The following ATG4B variants were observed in gnomAD, a reference collection of about 807,000 sequenced individuals.
The protein encoded by ATG4B is cysteine protease ATG4B.
Under a neutral mutation model 56.6 loss-of-function variants are expected in ATG4B, and 29 were observed. The ratio of observed to expected loss-of-function variants is 0.51; its 90% CI spans 0.38 to 0.70. The LOEUF is 0.70. ATG4B is among the 30% of genes least tolerant of loss of function. The pLI is 0.00. For missense variants in ATG4B, 461 were observed against 515.5 expected (o/e 0.89, Z 1.02); for synonymous variants, 224 against 206.1 (o/e 1.09, Z -0.74).
In ATG4B at chr2:241,668,737, G is replaced by A; in HGVS notation, c.957+52G>A. The A allele has an allele frequency of 1.3e-6, 2 of 1,521,030 alleles. No individual in the cohort carries two copies. Among genetic ancestry groups the A allele is most frequent in the Non-Finnish European group, 1.8e-6 (2 of 1,141,620 alleles). 94.2% of individuals were successfully genotyped at this position (1,521,030 alleles called of 1,614,324 possible). ...GGCATTTGGTGCTGAATGCTGTTTGGGAATGACGAGGAAAACTTTCGGATT... is the reference window on the plus strand; with the variant it reads ...GGCATTTGGTGCTGAATGCTGTTTGAGAATGACGAGGAAAACTTTCGGATT... On this transcript the variant is annotated intron_variant, in intron 10 of 12. Coordinates refer to ENST00000404914, the MANE Select transcript of ATG4B (RefSeq NM_013325.5). The surrounding 1 kb of genome is among the most constrained non-coding windows in gnomAD (Gnocchi z 4.2).
intron 1 of ATG4B, among the ~76,000 whole-genome samples, chr2:241,642,709 G>C (rs565465982): frequency 6.6e-6 from 1 of 150,998 alleles, no homozygotes; most frequent in South Asian, 2.1e-4. Context: ...TTTTCTGATG[G>C]AATTACTATA....
intron 10 of ATG4B, among the ~76,000 whole-genome samples, chr2:241,669,627 C>T (rs1340661482): frequency 1.3e-5 from 2 of 152,206 alleles, no homozygotes; most frequent in Non-Finnish European, 2.9e-5. Flanking sequence ...CCTGCCTCAG[C>T]CTCTGGATTA....
intron 6 of ATG4B, 147 bp downstream of exon 6, chr2:241,655,490 G>A (rs900646602): frequency 6.6e-6 from 5 of 761,782 alleles, no homozygotes; most frequent in Non-Finnish European, 1.1e-5. Context: ...AGCGATGACT[G>A]TGTTGAGGTC....
In ATG4B at chr2:241,673,044, G is replaced by C. The variant is rs907470392; in HGVS notation, c.*780G>C. On this transcript the variant is annotated 3_prime_UTR_variant, in exon 13 of 13. Transcript: ENST00000404914. ...CAGCTTCCCCAGGTGTGGTGACGGGGGGGGGGCGGGGCCTCCACCTGTGAC... is the reference window on the plus strand; with the variant it reads ...CAGCTTCCCCAGGTGTGGTGACGGGCGGGGGGCGGGGCCTCCACCTGTGAC... 1.5e-4 allele frequency: 25 copies of C among 164,856 alleles called. No individual in the cohort carries two copies. The highest frequency in any genetic ancestry group is 5.7e-4 in the African/African-American group (24 of 42,130). The allele number at this position is 164,856 out of a possible 1,614,324, so 10.2% of individuals were successfully genotyped here. A position where few individuals can be genotyped will look rare whatever the true frequency, so the allele number is the denominator to read the frequency against.
intron 7 of ATG4B, among the ~76,000 whole-genome samples, chr2:241,660,106 C>T (rs2068544828): frequency 6.6e-6 from 1 of 152,198 alleles, no homozygotes; most frequent in East Asian, 1.9e-4. Context: ...AGAAGAATCG[C>T]TTGAACCTGG....
chr2:241,659,172 G>T lies in ATG4B; in HGVS notation c.523G>T (p.Val175Leu). The T allele has an allele frequency of 6.2e-7, 1 of 1,613,806 alleles. No homozygotes were observed. Among genetic ancestry groups the T allele is most frequent in the Non-Finnish European group, 8.5e-7 (1 of 1,179,700 alleles). ...AVHIAMDNTV[V>L]MEEIRRLCRT... is the part of the protein sequence containing the mutation. ...CCACATTGCAATGGACAACACTGTTGTGATGGAGGAAATCAGTAAGTGGCT... is the reference window on the plus strand; with the variant it reads ...CCACATTGCAATGGACAACACTGTTTTGATGGAGGAAATCAGTAAGTGGCT... Residue 175 changes from valine to leucine, a missense_variant, in exon 7 of 13, where the codon GTG becomes TTG. Coordinates refer to ENST00000404914, the MANE Select transcript of ATG4B (RefSeq NM_013325.5).
In ATG4B at chr2:241,671,389, C is replaced by A; in HGVS notation, c.1092C>A (p.Val364=). ...LQPSHLACPD[V]LNLSLDSSDV... is the part of the protein sequence containing the mutation. ...CTTCACATCTGGCCTGCCCCGACGT[C>A]CTGAACCTGTCCCTAGGTGAGAGCT... The change falls in exon 12 of 13, where the codon GTC becomes GTA. Residue 364 remains valine (V), a synonymous_variant. Coordinates refer to ENST00000404914, the MANE Select transcript of ATG4B (RefSeq NM_013325.5). 2.5e-6 allele frequency: 4 copies of A among 1,613,694 alleles called. No individual in the cohort carries two copies. The highest frequency in any genetic ancestry group is 3.4e-6 in the Non-Finnish European group (4 of 1,179,842).
At position 241,668,567 on chromosome 2, in the gene ATG4B, A is replaced by C; in HGVS notation, c.839A>C (p.His280Pro). Reference sequence around the variant, plus strand: ...GAGGAGCTCATCTACCTGGACCCCCACACCACGCAGCCAGCCGTGGAGCCC... The same window carrying C: ...GAGGAGCTCATCTACCTGGACCCCCCCACCACGCAGCCAGCCGTGGAGCCC... ...VGEELIYLDP[H>P]TTQPAVEPTD... Residue 280 changes from histidine to proline, a missense_variant, in exon 10 of 13, where the codon CAC becomes CCC. By Grantham distance (77) the His-to-Pro change is moderately conservative. Transcript: ENST00000404914. The surrounding 1 kb of genome is among the most constrained non-coding windows in gnomAD (Gnocchi z 4.2). 6.2e-7 allele frequency: 1 copy of C among 1,609,270 alleles called. No homozygotes were observed. The highest frequency in any genetic ancestry group is 8.5e-7 in the Non-Finnish European group (1 of 1,179,060).
chr2:241,673,259 ACCT>A lies in ATG4B; in HGVS notation c.*997_*999del, dbSNP rs1157232906. ...GGCATCACCTGGTGGCATTTCCAGA[ACCT>A]CAGCCCCGATTCCAGCACCCACCAC... On this transcript the variant is annotated 3_prime_UTR_variant, in exon 13 of 13. Transcript: ENST00000404914. 3.1e-6 allele frequency: 1 copy of A among 319,626 alleles called. No homozygotes were observed. Among genetic ancestry groups the A allele is most frequent in the Non-Finnish European group, 6.3e-6 (1 of 159,622 alleles). 19.8% of individuals were successfully genotyped at this position (319,626 alleles called of 1,614,324 possible). A position where few individuals can be genotyped will look rare whatever the true frequency, so the allele number is the denominator to read the frequency against.
chr2:241,654,806 T>A, intron 5 of ATG4B, 159 bp downstream of exon 5: 1 of 640,908 alleles, frequency 1.6e-6, no homozygotes, highest in African/African-American at 1.8e-5. Flanking sequence ...TGCTGTCACA[T>A]CACCCCCGTG....
rs937529105 is a variant in ATG4B at position 241,651,273 on chromosome 2, A to C, written c.122A>C (p.Glu41Ala). The change falls in exon 3 of 13, where the codon GAG (glutamate) becomes GCG (alanine). Residue 41 changes from glutamate (E) to alanine (A), a missense_variant. Glu to Ala is a moderately radical substitution (Grantham distance 107). Coordinates refer to ENST00000404914, the MANE Select transcript of ATG4B (RefSeq NM_013325.5). This position sits in a 1 kb window ranked among gnomAD's most constrained non-coding sequence, Gnocchi z 4.1. ...TTTAAACAACCTCTAGAAAAGGACG[A>C]GATCTTGTCTGATGTGGCATCTAGA... The part of the protein sequence containing the change: ...RKYSIFTEKD[E>A]ILSDVASRLW... The C allele has an allele frequency of 6.2e-6, 10 of 1,600,254 alleles. No homozygotes were observed. The highest frequency in any genetic ancestry group is 8.5e-6 in the Non-Finnish European group (10 of 1,173,018).
intron 1 of ATG4B, among the ~76,000 whole-genome samples, chr2:241,648,106 T>TC (rs1023813073): frequency 8.5e-5 from 13 of 152,204 alleles, no homozygotes; most frequent in African/African-American, 2.9e-4. Context: ...AGAGTGAGAC[T>TC]CCATCACAAA....
intron 10 of ATG4B, among the ~76,000 whole-genome samples, chr2:241,669,392 G>A (rs2068885850): frequency 6.6e-6 from 1 of 152,250 alleles, no homozygotes; most frequent in African/African-American, 2.4e-5. Context: ...GGCCTGAAAT[G>A]GGACGGTCTC....
intron 4 of ATG4B, among the ~76,000 whole-genome samples, chr2:241,654,282 T>G (rs375765672): frequency 2.0e-5 from 3 of 151,704 alleles, no homozygotes; most frequent in Non-Finnish European, 2.9e-5. Context: ...TTAGCTAGGC[T>G]TGGTGACATG....
chr2:241,653,635 G>T (rs146899920), intron 4 of ATG4B, 25 bp downstream of exon 4: 10 of 1,551,314 alleles, frequency 6.4e-6, no homozygotes, highest in South Asian at 1.2e-5. Context: ...TGGGGAGGGC[G>T]CATGGCCACG....
chr2:241,638,970 C>T (rs536366288), intron 1 of ATG4B, among the ~76,000 whole-genome samples: 23 of 152,360 alleles, frequency 1.5e-4, no homozygotes, highest in African/African-American at 5.0e-4. Flanking sequence ...CAGAGACCTC[C>T]GGCTGGCGAG....
chr2:241,671,179 A>G, intron 11 of ATG4B, 133 bp from the exon 12 acceptor site: 2 of 773,110 alleles, frequency 2.6e-6, no homozygotes, highest in Non-Finnish European at 4.3e-6. Context: ...TTTAGTGTGG[A>G]GCTGCCTCTG....
chr2:241,651,464 T>A lies in ATG4B; in HGVS notation c.184+129T>A. Reference sequence around the variant, plus strand: ...AATCTTCACAGCAATCCTGCTTAACTGAATTGGCCGAGGCCTCACGTGTAG... The same window carrying A: ...AATCTTCACAGCAATCCTGCTTAACAGAATTGGCCGAGGCCTCACGTGTAG... On this transcript the variant is annotated intron_variant, in intron 3 of 12. Transcript: ENST00000404914. This position sits in a 1 kb window ranked among gnomAD's most constrained non-coding sequence, Gnocchi z 4.1. 1.3e-5 allele frequency: 10 copies of A among 782,594 alleles called. No individual in the cohort carries two copies. The highest frequency in any genetic ancestry group is 2.1e-5 in the Non-Finnish European group (10 of 486,976). 48.5% of individuals were successfully genotyped at this position (782,594 alleles called of 1,614,324 possible).
At position 241,651,887 on chromosome 2, in the gene ATG4B, T is replaced by C; in HGVS notation, c.184+552T>C. The C allele has an allele frequency of 1.5e-6, 2 of 1,303,738 alleles. No homozygotes were observed. The highest frequency in any genetic ancestry group is 2.5e-5 in the South Asian group (2 of 81,006). 80.8% of individuals were successfully genotyped at this position (1,303,738 alleles called of 1,614,324 possible). On this transcript the variant is annotated intron_variant, in intron 3 of 12. Coordinates refer to ENST00000404914, the MANE Select transcript of ATG4B (RefSeq NM_013325.5). The surrounding 1 kb of genome is among the most constrained non-coding windows in gnomAD (Gnocchi z 4.1). ...CTAAGGTGCATTCTGTTAAAAGCCA[T>C]TCATCATTGTTGTATACCCTGGAGC... is the stretch of plus-strand genomic sequence containing the variant.
Sources: gnomAD v4.1 joint callset for allele counts (sites outside exome capture counted in the v4.1 genomes callset) on GRCh38, gnomAD v4.1.1 for gene constraint, Gnocchi (gnomAD v3.1) non-coding constraint, MANE v1.5 for transcripts, NCBI Gene and HGNC (gene_info 2026-07-23, HGNC 2026-07-21) for gene names.